TMEM87A: variants seen among roughly 807,000 people sequenced by gnomAD.
TMEM87A encodes Golgi-pH regulating cation channel.
Under a neutral mutation model 90.0 loss-of-function variants are expected in TMEM87A, and 50 were observed. That is an observed-to-expected ratio of 0.56 (90% CI 0.44 to 0.70). The LOEUF is 0.70. TMEM87A is among the 30% of genes least tolerant of loss of function. TMEM87A has a pLI of 0.00. For synonymous variants in TMEM87A, 226 were observed against 226.7 expected, an observed-to-expected ratio of 1.00 and a Z score of 0.03; for missense variants, 577 against 660.5, an observed-to-expected ratio of 0.87 and a Z score of 1.39.
chr15:42,217,862 A>G (rs1318531217), intron 18 of TMEM87A, 29 bp from the exon 19 acceptor site: 4 of 1,607,844 alleles, frequency 2.5e-6, no homozygotes. Context: ...ACTAAATTGA[A>G]CAATGTAAAA....
chr15:42,273,062 C>CGGA (rs1175705809), intron 1 of TMEM87A, 193 bp downstream of exon 1: 3 of 712,298 alleles, frequency 4.2e-6, no homozygotes, highest in Non-Finnish European at 7.2e-6. Context: ...CTTACATTCC[C>CGGA]GCTAGCCTAA....
chr15:42,243,651 C>G (rs2140951631), intron 7 of TMEM87A, among the ~76,000 whole-genome samples: 1 of 151,508 alleles, frequency 6.6e-6, no homozygotes, highest in South Asian at 2.1e-4. Context: ...TCCCAAGTAG[C>G]TGGGATTACA....
intron 10 of TMEM87A, among the ~76,000 whole-genome samples, chr15:42,235,910 T>C (rs894362014): frequency 2.2e-4 from 34 of 152,182 alleles, no homozygotes; most frequent in Non-Finnish European, 4.6e-4. Flanking sequence ...CCTCAAAGAA[T>C]GCCTATAGAA....
In TMEM87A at chr15:42,273,237, A is replaced by G. The variant is rs963765090; in HGVS notation, c.144+18T>C. ...CCTTGCTCCTCTAGGTTCAGACGTT[A>G]GTGAAGTGAATACTCACCGACGGTA... On this transcript the variant is annotated intron_variant, in intron 1 of 19. Transcript: ENST00000389834. The G allele has an allele frequency of 3.7e-6, 6 of 1,612,420 alleles. No homozygotes were observed. The highest frequency in any genetic ancestry group is 1.3e-5 in the African/African-American group (1 of 74,844).
chr15:42,233,172 A>G (rs749692940), intron 11 of TMEM87A, 41 bp downstream of exon 11: 8 of 1,512,920 alleles, frequency 5.3e-6, no homozygotes, highest in Admixed American at 5.1e-5. Context: ...TAAACAATAT[A>G]ATTGAACTGA....
chr15:42,233,183 C>T (rs1401683013), intron 11 of TMEM87A, 30 bp downstream of exon 11: 2 of 1,554,142 alleles, frequency 1.3e-6, no homozygotes, highest in Non-Finnish European at 1.8e-6. Context: ...ATTGAACTGA[C>T]CACAGAAAAT....
intron 19 of TMEM87A, among the ~76,000 whole-genome samples, chr15:42,214,983 G>A (rs2050356456): frequency 6.6e-6 from 1 of 152,134 alleles, no homozygotes; most frequent in Non-Finnish European, 1.5e-5. Context: ...TCTGAGAACT[G>A]CATCATTAGG....
At chr15:42,225,412 T>A (rs1438552081) in intron 15 of TMEM87A, among the ~76,000 whole-genome samples, 2 of 152,176 alleles carry the variant, frequency 1.3e-5, no homozygotes. Context: ...AATTTCAAAG[T>A]TGGTTATGTA....
intron 15 of TMEM87A, 117 bp downstream of exon 15, chr15:42,226,689 A>T: frequency 1.2e-6 from 1 of 837,606 alleles, no homozygotes; most frequent in Non-Finnish European, 1.9e-6. Flanking sequence ...TTCTGATTCC[A>T]GGCCCAGTGT....
chr15:42,226,714 G>T, intron 15 of TMEM87A, 92 bp downstream of exon 15: 1 of 1,068,102 alleles, frequency 9.4e-7, no homozygotes, highest in Non-Finnish European at 1.4e-6. Flanking sequence ...TCCACTATAT[G>T]ACACAGCCCT....
At chr15:42,250,226 C>G (rs2051058544) in intron 6 of TMEM87A, among the ~76,000 whole-genome samples, 1 of 152,178 alleles carries the variant, frequency 6.6e-6, no homozygotes, top group Non-Finnish European at 1.5e-5. Context: ...ATCCAATTTG[C>G]CAGTCTGTGT....
intron 15 of TMEM87A, among the ~76,000 whole-genome samples, chr15:42,223,666 G>A (rs189842782): frequency 4.6e-5 from 7 of 152,252 alleles, no homozygotes; most frequent in Admixed American, 2.6e-4. Context: ...CTGACACTGC[G>A]AGCCAACAAA....
intron 11 of TMEM87A, among the ~76,000 whole-genome samples, chr15:42,232,525 G>A (rs1191575276): frequency 1.3e-5 from 2 of 152,074 alleles, no homozygotes; most frequent in African/African-American, 2.4e-5. Flanking sequence ...CCAGGCTGGA[G>A]TGCAGTGGCA....
At chr15:42,225,826 C>T (rs188438038) in intron 15 of TMEM87A, among the ~76,000 whole-genome samples, 5 of 152,094 alleles carry the variant, frequency 3.3e-5, no homozygotes, top group South Asian at 2.1e-4. Context: ...CATGAGCCAC[C>T]GTGCCTGGTT....
intron 4 of TMEM87A, among the ~76,000 whole-genome samples, chr15:42,263,292 C>T (rs2051332901): frequency 6.6e-6 from 1 of 152,010 alleles, no homozygotes; most frequent in Admixed American, 6.6e-5. Context: ...TGGAAGAAGT[C>T]AGACAAAAAA....
intron 3 of TMEM87A, 136 bp downstream of exon 3, chr15:42,267,811 A>G: frequency 1.8e-6 from 1 of 570,706 alleles, no homozygotes; most frequent in Non-Finnish European, 2.8e-6. Flanking sequence ...GGTGGTCTGC[A>G]AATTGGGAAG....
rs763186129 is a variant in TMEM87A, at chr15:42,228,746, C to T, written c.1206G>A (p.Arg402=). ...CCAAAATAAGCGTGTTGGTGAAATGCCGATACAAAGAGAGTTTTACAATGT... is the reference window on the plus strand; with the variant it reads ...CCAAAATAAGCGTGTTGGTGAAATGTCGATACAAAGAGAGTTTTACAATGT... ...RRNIVKLSLY[R]HFTNTLILAV... Residue 402 remains arginine, a synonymous_variant, in exon 13 of 20, where the codon CGG becomes CGA. Transcript: ENST00000389834. 17 of 1,610,762 alleles carry T rather than the reference C, an allele frequency of 1.1e-5. No individual in the cohort carries two copies. In the South Asian group the frequency reaches 1.7e-4, roughly 16 times the overall value.
At chr15:42,220,287 C>G (rs2050453701) in intron 15 of TMEM87A, 152 bp from the exon 16 acceptor site, 1 of 601,698 alleles carries the variant, frequency 1.7e-6, no homozygotes, top group Non-Finnish European at 2.9e-6. Context: ...TCAGAAAGCT[C>G]TTTATTGCCT....
At chr15:42,231,412 T>C in intron 11 of TMEM87A, 152 bp from the exon 12 acceptor site, 2 of 553,452 alleles carry the variant, frequency 3.6e-6, no homozygotes, top group Non-Finnish European at 6.2e-6. Context: ...CTAATCATTC[T>C]TCCCTTCTTA....
Sources: allele counts gnomAD v4.1 joint callset (sites outside exome capture counted in the v4.1 genomes callset), GRCh38; gene constraint gnomAD v4.1.1; transcripts MANE v1.5; gene names NCBI Gene and HGNC (gene_info 2026-07-23, HGNC 2026-07-21).